Variants in ADAMTS9 observed in about 807,000 individuals in gnomAD.
ADAMTS9 encodes the protein ADAM metallopeptidase with thrombospondin type 1 motif 9, also known as A disintegrin and metalloproteinase with thrombospondin motifs 9.
In ADAMTS9, 107 loss-of-function variants were observed where a neutral mutation model predicts 257.1. The ratio of observed to expected loss-of-function variants is 0.42; its 90% CI spans 0.36 to 0.49. The LOEUF (loss-of-function observed/expected upper bound fraction) is 0.49. Ranked by LOEUF, ADAMTS9 falls within the 20% of genes least tolerant of loss-of-function variation. The pLI is 0.03. For missense variants in ADAMTS9, 2,353 were observed against 2,469.1 expected, an observed-to-expected ratio of 0.95 and a Z score of 1.00; for synonymous variants, 982 against 880.9, an observed-to-expected ratio of 1.11 and a Z score of -2.03.
At chr3:64,680,845 C>T (rs1701736101) in intron 3 of ADAMTS9, among the ~76,000 whole-genome samples, 1 of 152,108 alleles carries the variant, frequency 6.6e-6, no homozygotes, top group Non-Finnish European at 1.5e-5. Flanking sequence ...AAAATACATG[C>T]ATTTGGTGAC....
rs1324446451 is a variant in ADAMTS9, at chr3:64,687,499, C to T, written c.115+44G>A. ...CTGCCCAGGAGCGAGGACCGGGAGGCGGCGTCGGGGCCGGCGGGGTCCCGG... is the reference window on the plus strand; with the variant it reads ...CTGCCCAGGAGCGAGGACCGGGAGGTGGCGTCGGGGCCGGCGGGGTCCCGG... On this transcript the variant is annotated intron_variant, in intron 1 of 39. Transcript: ENST00000498707. The surrounding 1 kb of genome is among the most constrained non-coding windows in gnomAD (Gnocchi z 4.4). 13 of 1,446,240 alleles carry T rather than the reference C, an allele frequency of 9.0e-6. No homozygotes were observed. Among genetic ancestry groups the T allele is most frequent in the Middle Eastern group, 2.5e-4 (1 of 4,046 alleles). The allele number at this position is 1,446,240 out of a possible 1,614,324, so 89.6% of individuals were successfully genotyped here.
intron 3 of ADAMTS9, among the ~76,000 whole-genome samples, chr3:64,676,090 T>C (rs895289715): frequency 6.6e-6 from 1 of 152,166 alleles, no homozygotes; most frequent in African/African-American, 2.4e-5. Context: ...GCAATTTAGC[T>C]GGGTTGAATG....
chr3:64,597,050 A>G lies in ADAMTS9; in HGVS notation c.4018-59T>C. 3.7e-6 allele frequency: 6 copies of G among 1,600,006 alleles called. No homozygotes were observed. In the South Asian group the frequency reaches 6.7e-5, roughly 18 times the overall value. ...TCAATCTCCATCTTAGGGACACAGA[A>G]GCAGCTGGTTGAAAGGTTAAGACAA... On this transcript the variant is annotated intron_variant, in intron 26 of 39. Transcript: ENST00000498707.
In ADAMTS9 at chr3:64,551,246, G is replaced by A. The variant is rs761235278; in HGVS notation, c.4699-184C>T. Among the ~76,000 whole-genome samples, 133 of 152,178 alleles carry A rather than the reference G, an allele frequency of 8.7e-4. 1 individual carries two copies. The Middle Eastern group carries it at 0.014, about 16-fold the overall frequency. On this transcript the variant is annotated intron_variant, in intron 30 of 39. Coordinates refer to ENST00000498707, the MANE Select transcript of ADAMTS9 (RefSeq NM_182920.2). ...TTTTTTTGAGATGGAGTCTTGCTCT[G>A]TCTCCCAGGCTGGAGTGCAGTGGCA...
In ADAMTS9 at chr3:64,677,707, TAGC is replaced by T. The variant is rs549845427; in HGVS notation, c.679+3491_679+3493del. 1.0e-3 allele frequency among the ~76,000 whole-genome samples: 154 copies of T among 152,334 alleles called. 2 individuals carry two copies. Among genetic ancestry groups the T allele is most frequent in the African/African-American group, 3.4e-3 (143 of 41,578 alleles). ...GAGCTTTCATTATTTCATACTCATTTAGCCCTAACTTCAATCTTGAAAGGTACA... is the reference window on the plus strand; with the variant it reads ...GAGCTTTCATTATTTCATACTCATTTCCTAACTTCAATCTTGAAAGGTACA... On this transcript the variant is annotated intron_variant, in intron 3 of 39. Coordinates refer to ENST00000498707, the MANE Select transcript of ADAMTS9 (RefSeq NM_182920.2).
chr3:64,633,323 T>G, intron 14 of ADAMTS9, 149 bp downstream of exon 14: 1 of 1,186,752 alleles, frequency 8.4e-7, no homozygotes. Flanking sequence ...GTGATATTGA[T>G]GCTGTTGCTG....
intron 3 of ADAMTS9, among the ~76,000 whole-genome samples, chr3:64,678,666 TC>T (rs1701682054): frequency 1.3e-5 from 2 of 152,190 alleles, no homozygotes; most frequent in South Asian, 4.1e-4. Flanking sequence ...GCCCCTTTTC[TC>T]TCTGGCAAGA....
At chr3:64,547,166 G>C (rs1469705723) in intron 31 of ADAMTS9, among the ~76,000 whole-genome samples, 4 of 152,196 alleles carry the variant, frequency 2.6e-5, no homozygotes, top group Non-Finnish European at 5.9e-5. Context: ...GCTTCCACTG[G>C]CATCTTCTCA....
At chr3:64,612,490 G>C (rs2084683753) in intron 22 of ADAMTS9, among the ~76,000 whole-genome samples, 1 of 152,200 alleles carries the variant, frequency 6.6e-6, no homozygotes, top group Non-Finnish European at 1.5e-5. Flanking sequence ...CCATATCAGT[G>C]ATAGAAATTG....
intron 3 of ADAMTS9, among the ~76,000 whole-genome samples, chr3:64,661,272 G>A (rs746244598): frequency 2.1e-5 from 3 of 146,126 alleles, no homozygotes; most frequent in African/African-American, 5.2e-5. Context: ...ATGCCAATAA[G>A]TATTGCATGT....
At chr3:64,653,924 C>T (rs946787491) in intron 8 of ADAMTS9, among the ~76,000 whole-genome samples, 2 of 152,058 alleles carry the variant, frequency 1.3e-5, no homozygotes, top group Non-Finnish European at 1.5e-5. Context: ...TAACTAGAAT[C>T]GGGAATGGTC....
intron 19 of ADAMTS9, among the ~76,000 whole-genome samples, chr3:64,617,234 T>A (rs1699978112): frequency 6.6e-6 from 1 of 152,208 alleles, no homozygotes; most frequent in Non-Finnish European, 1.5e-5. Flanking sequence ...GGAACTTTCA[T>A]CTGCCCTTTG....
intron 2 of ADAMTS9, among the ~76,000 whole-genome samples, chr3:64,682,336 G>A (rs894341512): frequency 1.3e-5 from 2 of 152,156 alleles, no homozygotes; most frequent in African/African-American, 2.4e-5. Flanking sequence ...ACTCGTGAAC[G>A]GTTTTTGGTG....
intron 23 of ADAMTS9, among the ~76,000 whole-genome samples, chr3:64,606,399 T>C (rs560277388): frequency 6.6e-6 from 1 of 152,164 alleles, no homozygotes; most frequent in African/African-American, 2.4e-5. Flanking sequence ...TGGGGAGAGA[T>C]AGGTGGCAGC....
chr3:64,573,351 T>C (rs904344104), intron 28 of ADAMTS9, among the ~76,000 whole-genome samples: 1 of 152,168 alleles, frequency 6.6e-6, no homozygotes, highest in Non-Finnish European at 1.5e-5. Context: ...AACTAGTCCA[T>C]ATTTCCAACC....
chr3:64,621,067 G>C, intron 19 of ADAMTS9, 47 bp downstream of exon 19: 2 of 1,567,350 alleles, frequency 1.3e-6, no homozygotes, highest in Non-Finnish European at 1.7e-6. Context: ...CCTCCTGCAA[G>C]ACTCTCACAA....
intron 22 of ADAMTS9, among the ~76,000 whole-genome samples, chr3:64,610,560 A>T (rs947632643): frequency 6.6e-6 from 1 of 152,196 alleles, no homozygotes; most frequent in African/African-American, 2.4e-5. Flanking sequence ...CAAGGAAGAT[A>T]TATTCAAATG....
chr3:64,614,269 T>C (rs934731941), intron 21 of ADAMTS9, among the ~76,000 whole-genome samples: 2 of 152,200 alleles, frequency 1.3e-5, no homozygotes, highest in Admixed American at 6.5e-5. Context: ...ACCTACTACT[T>C]ATCTTTTTTT....
At chr3:64,667,748 C>G (rs548695916) in intron 3 of ADAMTS9, among the ~76,000 whole-genome samples, 5 of 152,246 alleles carry the variant, frequency 3.3e-5, no homozygotes, top group African/African-American at 1.2e-4. Context: ...TACTGGCCAA[C>G]GTTTGTTGAG....
Sources: gnomAD v4.1 joint callset for allele counts (sites outside exome capture counted in the v4.1 genomes callset) on GRCh38, gnomAD v4.1.1 for gene constraint, Gnocchi (gnomAD v3.1) non-coding constraint, MANE v1.5 for transcripts, NCBI Gene and HGNC (gene_info 2026-07-23, HGNC 2026-07-21) for gene names.